The following ARID1A variants were observed in gnomAD, a reference collection of about 807,000 sequenced individuals.
The protein encoded by ARID1A is AT-rich interactive domain-containing protein 1A.
In ARID1A, 20 loss-of-function variants were observed where a neutral mutation model predicts 212.6. The ratio of observed to expected loss-of-function variants is 0.09; its 90% CI spans 0.07 to 0.14. The LOEUF is 0.14. ARID1A is among the 10% of genes least tolerant of loss of function. The pLI is 1.00. For synonymous variants in ARID1A, 1,376 were observed against 1,222.1 expected, an observed-to-expected ratio of 1.13 and a Z score of -2.63; for missense variants, 2,587 against 3,059.0, an observed-to-expected ratio of 0.85 and a Z score of 3.64.
chr1:26,778,951 C>G (rs1446275502), intron 19 of ARID1A, 72 bp from the exon 20 acceptor site: 2 of 1,423,652 alleles, frequency 1.4e-6, no homozygotes, highest in African/African-American at 1.4e-5. Flanking sequence ...TTGGGGAGGT[C>G]TCTCAAGTCA....
chr1:26,757,881 G>A (rs1171447178), intron 4 of ARID1A, among the ~76,000 whole-genome samples: 2 of 152,032 alleles, frequency 1.3e-5, no homozygotes, highest in South Asian at 2.1e-4. Flanking sequence ...CTCGTAATCC[G>A]CCTACCTCGG....
chr1:26,720,840 G>A (rs886944230), intron 1 of ARID1A, among the ~76,000 whole-genome samples: 4 of 151,466 alleles, frequency 2.6e-5, no homozygotes, highest in Admixed American at 1.3e-4. Context: ...CTGCACTCCA[G>A]CCGGGGTGAC....
chr1:26,735,358 T>G (rs1216622712), intron 4 of ARID1A, among the ~76,000 whole-genome samples: 2 of 152,192 alleles, frequency 1.3e-5, no homozygotes, highest in African/African-American at 2.4e-5. Context: ...AATGGCACGA[T>G]CTCAGCTCAC....
chr1:26,708,641 G>A (rs1159668674), intron 1 of ARID1A, among the ~76,000 whole-genome samples: 1 of 151,642 alleles, frequency 6.6e-6, no homozygotes, highest in Non-Finnish European at 1.5e-5. Context: ...TATATGCAGA[G>A]TGATATTACT....
Position 26,773,795 on chromosome 1 carries a change from C to A in ARID1A, c.4005-7C>A, listed in dbSNP as rs766983417. The stretch of plus-strand genomic sequence containing the variant: ...ACCCTAATCCTGTGTTTCTTTGCCT[C>A]CTATAGACATGATTCCTATGGCAAT... On this transcript the variant is annotated splice_region_variant and splice_polypyrimidine_tract_variant and intron_variant, in intron 16 of 19. Transcript: ENST00000324856. The A allele has an allele frequency of 3.1e-6, 5 of 1,614,214 alleles. No homozygotes were observed. Among genetic ancestry groups the A allele is most frequent in the Non-Finnish European group, 4.2e-6 (5 of 1,180,024 alleles).
intron 1 of ARID1A, among the ~76,000 whole-genome samples, chr1:26,713,546 G>T (rs1222101834): frequency 6.6e-6 from 1 of 152,032 alleles, no homozygotes; most frequent in African/African-American, 2.4e-5. Context: ...TTTTAGTAGA[G>T]ACAGGGTTTC....
Position 26,697,008 on chromosome 1 carries a change from C to T in ARID1A, c.605C>T (p.Ser202Phe), listed in dbSNP as rs757170181. ...LEPYAGPQQN[S>F]HDHGFPNHQY... ...CCCTACGCGGGGCCCCAGCAGAACTCTCACGACCACGGCTTCCCCAACCAC... is the reference window on the plus strand; with the variant it reads ...CCCTACGCGGGGCCCCAGCAGAACTTTCACGACCACGGCTTCCCCAACCAC... The change falls in exon 1 of 20, where the codon TCT becomes TTT. Residue 202 changes from serine (S) to phenylalanine (F), a missense_variant. Physicochemically the swap from Ser to Phe is radical, Grantham distance 155 (BLOSUM62 -2). Coordinates refer to ENST00000324856, the MANE Select transcript of ARID1A (RefSeq NM_006015.6). The T allele has an allele frequency of 2.6e-6, 4 of 1,531,348 alleles. No individual in the cohort carries two copies. Among genetic ancestry groups the T allele is most frequent in the Non-Finnish European group, 8.7e-7 (1 of 1,142,926 alleles). The allele number at this position is 1,531,348 out of a possible 1,614,324, so 94.9% of individuals were successfully genotyped here.
At chr1:26,726,297 C>G (rs532094509) in intron 1 of ARID1A, among the ~76,000 whole-genome samples, 4 of 151,658 alleles carry the variant, frequency 2.6e-5, no homozygotes, top group Non-Finnish European at 5.9e-5. Context: ...CTCAGCCTCC[C>G]GAGTAGCTGG....
chr1:26,740,425 G>A (rs1276013100), intron 4 of ARID1A, among the ~76,000 whole-genome samples: 1 of 152,342 alleles, frequency 6.6e-6, no homozygotes, highest in East Asian at 1.9e-4. Flanking sequence ...AAGAAGTCAT[G>A]TTGAAGTTCA....
chr1:26,743,060 G>A (rs2080803070), intron 4 of ARID1A, among the ~76,000 whole-genome samples: 1 of 152,324 alleles, frequency 6.6e-6, no homozygotes, highest in Admixed American at 6.5e-5. Context: ...ATCTCTGAGT[G>A]TGGGAGACCA....
chr1:26,702,201 G>T (rs2080337609), intron 1 of ARID1A, among the ~76,000 whole-genome samples: 1 of 152,188 alleles, frequency 6.6e-6, no homozygotes, highest in Non-Finnish European at 1.5e-5. Flanking sequence ...CCTGAGACTG[G>T]AAGAGGAAAA....
chr1:26,697,312 C>A lies in ARID1A; in HGVS notation c.909C>A (p.Ser303Arg). The change falls in exon 1 of 20, where the codon AGC becomes AGA. Residue 303 changes from serine (S) to arginine (R), a missense_variant. Coordinates refer to ENST00000324856, the MANE Select transcript of ARID1A (RefSeq NM_006015.6). ...TCAACCAACTGCTCACGTCGCCCAG[C>A]TCGGCCCGGGGCTACCAGGGCTACC... The part of the protein sequence containing the change: ...PTLNQLLTSP[S>R]SARGYQGYPG... 7.4e-7 allele frequency: 1 copy of A among 1,347,458 alleles called. No individual in the cohort carries two copies. The highest frequency in any genetic ancestry group is 3.0e-5 in the East Asian group (1 of 32,854). 83.5% of individuals were successfully genotyped at this position (1,347,458 alleles called of 1,614,324 possible). A position where few individuals can be genotyped will look rare whatever the true frequency, so the allele number is the denominator to read the frequency against.
chr1:26,736,784 C>T (rs1329052644), intron 4 of ARID1A, among the ~76,000 whole-genome samples: 1 of 151,694 alleles, frequency 6.6e-6, no homozygotes, highest in Admixed American at 6.6e-5. Flanking sequence ...TACCTGTAAT[C>T]CCATCTACTC....
In ARID1A at chr1:26,737,865, C is replaced by CA. The variant is rs112529489; in HGVS notation, c.1920+5086dup. On this transcript the variant is annotated intron_variant, in intron 4 of 19. Coordinates refer to ENST00000324856, the MANE Select transcript of ARID1A (RefSeq NM_006015.6). ...GGGCTACAAGAGCGAAACTCCGTCTCAAAAAAAAAAAAAGAAAAAATTAAT... is the reference window on the plus strand; with the variant it reads ...GGGCTACAAGAGCGAAACTCCGTCTCAAAAAAAAAAAAAAGAAAAAATTAAT... Among the ~76,000 whole-genome samples the CA allele has an allele frequency of 2.1e-3, 247 of 117,822 alleles. 1 individual carries two copies. The highest frequency in any genetic ancestry group is 7.4e-3 in the East Asian group (31 of 4,202). The allele number at this position is 117,822 out of a possible 152,430, so 77.3% of individuals were successfully genotyped here. A position where few individuals can be genotyped will look rare whatever the true frequency, so the allele number is the denominator to read the frequency against.
rs2124792202 is a variant in ARID1A, at chr1:26,732,678, G to A, written c.1806G>A (p.Glu602=). ...YSQQRFPPPQ[E]LSQDSFGSQA... is the part of the protein sequence containing the mutation. ...AGCTTTTGTTTTTCTTGTTGTAGGA[G>A]CTATCTCAAGATTCATTTGGGTCTC... The change falls in exon 4 of 20, where the codon GAG becomes GAA. Residue 602 remains glutamate (E), a splice_region_variant and synonymous_variant. Transcript: ENST00000324856. The A allele has an allele frequency of 6.2e-7, 1 of 1,610,312 alleles. No individual in the cohort carries two copies. The highest frequency in any genetic ancestry group is 2.2e-5 in the East Asian group (1 of 44,856).
In ARID1A at chr1:26,771,600, G is replaced by A; in HGVS notation, c.3406+274G>A. On this transcript the variant is annotated intron_variant, in intron 12 of 19. Transcript: ENST00000324856. This position sits in a 1 kb window ranked among gnomAD's most constrained non-coding sequence, Gnocchi z 5.4. ...AAACTGGTGAATGGGAGGGGCACAA[G>A]AGGAGTCGGTGGAACTTATAAATGG... The A allele has an allele frequency of 2.1e-6, 1 of 487,312 alleles. No homozygotes were observed. Among genetic ancestry groups the A allele is most frequent in the Middle Eastern group, 5.5e-4 (1 of 1,818 alleles). The allele number at this position is 487,312 out of a possible 1,614,324, so 30.2% of individuals were successfully genotyped here. A position where few individuals can be genotyped will look rare whatever the true frequency, so the allele number is the denominator to read the frequency against.
chr1:26,775,095 C>T lies in ARID1A; in HGVS notation c.4868C>T (p.Ser1623Leu), dbSNP rs1420328983. 2.5e-6 allele frequency: 4 copies of T among 1,614,140 alleles called. No homozygotes were observed. Among genetic ancestry groups the T allele is most frequent in the East Asian group, 2.2e-5 (1 of 44,880 alleles). The change falls in exon 18 of 20, where the codon TCG (serine) becomes TTG (leucine). Residue 1623 changes from serine (S) to leucine (L), a missense_variant. Around this residue, in one of 11 missense-constraint regions of ARID1A, gnomAD observed 890 missense variants for 1,098.2 expected, o/e 0.81. Transcript: ENST00000324856. ...AAGGCAGGTCCCCCAGTACCTGCCT[C>T]GCACATAGCACCTGCCCCTGTGCAG... ...MQKAGPPVPA[S>L]HIAPAPVQPP... is the part of the protein sequence containing the mutation.
At chr1:26,745,654 A>G (rs1384729109) in intron 4 of ARID1A, among the ~76,000 whole-genome samples, 1 of 152,222 alleles carries the variant, frequency 6.6e-6, no homozygotes, top group East Asian at 1.9e-4. Context: ...GTCCAGGGTC[A>G]TTCAGTAAAT....
intron 4 of ARID1A, among the ~76,000 whole-genome samples, chr1:26,746,067 G>GA (rs2080833202): frequency 6.6e-6 from 1 of 152,018 alleles, no homozygotes; most frequent in African/African-American, 2.4e-5. Context: ...AATAGAAAAG[G>GA]AAAAATGCCA....
Sources: gnomAD v4.1 joint callset for allele counts (sites outside exome capture counted in the v4.1 genomes callset) on GRCh38, gnomAD v4.1.1 for gene constraint, gnomAD v4.1.1 regional missense constraint, Gnocchi (gnomAD v3.1) non-coding constraint, MANE v1.5 for transcripts, NCBI Gene and HGNC (gene_info 2026-07-23, HGNC 2026-07-21) for gene names.